NDST3: variants seen among roughly 807,000 people sequenced by gnomAD.
The protein encoded by NDST3 is N-deacetylase and N-sulfotransferase 3, also known as bifunctional heparan sulfate N-deacetylase/N-sulfotransferase 3.
A neutral mutation model predicts 96.1 loss-of-function variants in NDST3; 58 were observed. The observed-to-expected ratio is 0.60, with a 90% CI of 0.49 to 0.75. NDST3 has a LOEUF of 0.75. Ranked by LOEUF, NDST3 falls within the 30% of genes least tolerant of loss-of-function variation. The pLI is 0.00. For missense variants in NDST3, 788 were observed against 1,034.2 expected (o/e 0.76, Z 3.27); for synonymous variants, 333 against 359.7 (o/e 0.93, Z 0.84).
intron 6 of NDST3, among the ~76,000 whole-genome samples, chr4:118,168,543 G>A (rs187741310): frequency 1.9e-4 from 28 of 149,338 alleles, no homozygotes; most frequent in East Asian, 3.9e-4. Context: ...AAAATGGTAC[G>A]GCTGCTATGG....
At chr4:118,035,476 A>G (rs1308912370) in intron 1 of NDST3, among the ~76,000 whole-genome samples, 5 of 150,314 alleles carry the variant, frequency 3.3e-5, no homozygotes, top group Non-Finnish European at 5.9e-5. Context: ...TCATGTTATC[A>G]ACTACTGAGC....
intron 6 of NDST3, among the ~76,000 whole-genome samples, chr4:118,165,329 A>G (rs1409963114): frequency 2.6e-5 from 4 of 152,108 alleles, no homozygotes; most frequent in Admixed American, 2.0e-4. Context: ...ACACAAAAAA[A>G]GAAGGACATA....
chr4:118,256,222 A>G lies in NDST3; in HGVS notation c.*510A>G, dbSNP rs1742117760. The G allele has an allele frequency of 6.6e-6, 1 of 152,206 alleles. No individual in the cohort carries two copies. The highest frequency in any genetic ancestry group is 2.1e-4 in the South Asian group (1 of 4,834). 9.4% of individuals were successfully genotyped at this position (152,206 alleles called of 1,614,324 possible). ...AAAATGCTTGCCAAAATTTAAATCC[A>G]CTTAAGTATTTAGAAATAATTGTAA... On this transcript the variant is annotated 3_prime_UTR_variant, in exon 14 of 14. Coordinates refer to ENST00000296499, the MANE Select transcript of NDST3 (RefSeq NM_004784.3).
intron 6 of NDST3, among the ~76,000 whole-genome samples, chr4:118,202,217 GTAGTGTAGCCTTATA>G (rs1465459005): frequency 6.6e-6 from 1 of 152,070 alleles, no homozygotes; most frequent in African/African-American, 2.4e-5. Context: ...AGTAGGAGTA[GTAGTGTAGCCTTATA>G]TAGTGTAGCC....
intron 9 of NDST3, among the ~76,000 whole-genome samples, chr4:118,234,214 C>A (rs1344556652): frequency 1.3e-5 from 2 of 152,170 alleles, no homozygotes; most frequent in Admixed American, 1.3e-4. Flanking sequence ...GAGTTTGAGA[C>A]TAGCCTGGGC....
chr4:118,247,712 T>C (rs1203914385), intron 12 of NDST3, among the ~76,000 whole-genome samples: 1 of 152,186 alleles, frequency 6.6e-6, no homozygotes, highest in African/African-American at 2.4e-5. Context: ...ATAAACTTGC[T>C]AAATAGTGCT....
intron 5 of NDST3, among the ~76,000 whole-genome samples, chr4:118,140,837 C>T (rs2125902561): frequency 6.6e-6 from 1 of 152,286 alleles, no homozygotes; most frequent in East Asian, 1.9e-4. Context: ...CAGTTACCTC[C>T]ACCTGGTCTC....
intron 1 of NDST3, among the ~76,000 whole-genome samples, chr4:118,053,133 G>C (rs1725180485): frequency 6.6e-6 from 1 of 151,948 alleles, no homozygotes; most frequent in East Asian, 1.9e-4. Flanking sequence ...CTTACCACAT[G>C]ACTGTTTTGA....
At chr4:118,085,786 T>C (rs1019796477) in intron 2 of NDST3, among the ~76,000 whole-genome samples, 3 of 152,198 alleles carry the variant, frequency 2.0e-5, no homozygotes. Context: ...CATGGTCTCA[T>C]GAGAAAACCA....
At chr4:118,111,214 C>G (rs923893978) in intron 3 of NDST3, among the ~76,000 whole-genome samples, 1 of 152,266 alleles carries the variant, frequency 6.6e-6, no homozygotes, top group East Asian at 1.9e-4. Flanking sequence ...CTGTTGTGTA[C>G]TATGCTCACT....
intron 9 of NDST3, among the ~76,000 whole-genome samples, chr4:118,234,801 G>A (rs539050237): frequency 2.6e-5 from 4 of 151,942 alleles, no homozygotes; most frequent in South Asian, 2.1e-4. Flanking sequence ...AGGCTGAGGC[G>A]GGCAGATCAC....
chr4:118,232,683 G>GGAAAGAAAGAAA lies in NDST3; in HGVS notation c.1820-321_1820-320insGAAAGAAAGAAA, dbSNP rs201457518. On this transcript the variant is annotated intron_variant, in intron 8 of 13. Transcript: ENST00000296499. The stretch of plus-strand genomic sequence containing the variant: ...AAAGAAGGAAAGAAAGAAAAGAAAA[G>GGAAAGAAAGAAA]GAAAGAAACAAAGAAAGAAAGAAAA... Among the ~76,000 whole-genome samples, 829 of 150,070 alleles carry GGAAAGAAAGAAA rather than the reference G, an allele frequency of 5.5e-3. 1 individual carries two copies. Among genetic ancestry groups the GGAAAGAAAGAAA allele is most frequent in the Non-Finnish European group, 8.0e-3 (538 of 67,332 alleles).
rs11943088 is a variant in NDST3 at position 118,140,090 on chromosome 4, C to T, written c.1410+1851C>T. Among the ~76,000 whole-genome samples the T allele has an allele frequency of 4.7e-3, 720 of 152,284 alleles. 5 individuals carry two copies. The highest frequency in any genetic ancestry group is 0.017 in the African/African-American group (689 of 41,554). On this transcript the variant is annotated intron_variant, in intron 5 of 13. Transcript: ENST00000296499. ...ACCTGAAAACCATCTGGACTGTCTA[C>T]CTTTCTATTTCCTATTTCCCTATGG...
intron 4 of NDST3, among the ~76,000 whole-genome samples, chr4:118,123,716 C>G (rs1429820779): frequency 6.6e-6 from 1 of 152,080 alleles, no homozygotes; most frequent in Non-Finnish European, 1.5e-5. Flanking sequence ...ATGAGACACT[C>G]AACAAAGATA....
chr4:118,246,892 G>A (rs537788074), intron 12 of NDST3, among the ~76,000 whole-genome samples: 14 of 152,192 alleles, frequency 9.2e-5, no homozygotes, highest in African/African-American at 2.6e-4. Context: ...GATTTGGTGC[G>A]GACACAGAGC....
chr4:118,107,880 A>G (rs1170120358), intron 3 of NDST3, among the ~76,000 whole-genome samples: 3 of 152,226 alleles, frequency 2.0e-5, no homozygotes, highest in Non-Finnish European at 2.9e-5. Flanking sequence ...ATGGGTAACT[A>G]TGAATGTATT....
At chr4:118,180,976 T>A (rs1397279300) in intron 6 of NDST3, among the ~76,000 whole-genome samples, 1 of 152,110 alleles carries the variant, frequency 6.6e-6, no homozygotes, top group Non-Finnish European at 1.5e-5. Context: ...CAATGACTCA[T>A]CAGGCAAAGT....
At chr4:118,147,552 A>G (rs993225124) in intron 6 of NDST3, among the ~76,000 whole-genome samples, 4 of 152,236 alleles carry the variant, frequency 2.6e-5, no homozygotes, top group Non-Finnish European at 5.9e-5. Context: ...ACTTATGAAG[A>G]TAACAAAAAG....
intron 2 of NDST3, among the ~76,000 whole-genome samples, chr4:118,079,849 G>A (rs987688867): frequency 1.3e-5 from 2 of 152,188 alleles, no homozygotes; most frequent in African/African-American, 4.8e-5. Context: ...TAACGGGCTT[G>A]AGACATATTG....
Sources: allele counts gnomAD v4.1 joint callset (sites outside exome capture counted in the v4.1 genomes callset), GRCh38; gene constraint gnomAD v4.1.1; transcripts MANE v1.5; gene names NCBI Gene and HGNC (gene_info 2026-07-23, HGNC 2026-07-21).